The following RANBP2 variants were observed in gnomAD, a reference collection of about 807,000 sequenced individuals.
RANBP2 encodes E3 SUMO-protein ligase RanBP2.
A neutral mutation model predicts 303.6 loss-of-function variants in RANBP2; 57 were observed. That is an observed-to-expected ratio of 0.19 (90% CI 0.15 to 0.23). The LOEUF (loss-of-function observed/expected upper bound fraction) is 0.23, where lower values mean the gene tolerates loss of function less well. Among genes scored for constraint, RANBP2 ranks in the 10% least tolerant of loss-of-function variants. RANBP2 has a pLI of 1.00. For synonymous variants in RANBP2, 1,167 were observed against 1,301.5 expected, an observed-to-expected ratio of 0.90 and a Z score of 2.23; for missense variants, 3,138 against 3,780.8, an observed-to-expected ratio of 0.83 and a Z score of 4.46.
At chr2:108,946,507 T>C in the RANBP2 span, among the ~76,000 whole-genome samples, 1 of 152,194 alleles carries the variant, frequency 6.6e-6, no homozygotes, top group Admixed American at 6.5e-5. Context: ...AAAAGTGGAA[T>C]TATATTAGTC....
At chr2:109,645,935 C>T in the RANBP2 span, among the ~76,000 whole-genome samples, 9 of 152,226 alleles carry the variant, frequency 5.9e-5, no homozygotes, top group South Asian at 1.2e-3. Context: ...AAACTCTCAA[C>T]GCAGCCAAAA....
chr2:109,203,314 G>A, the RANBP2 span, among the ~76,000 whole-genome samples: 1 of 152,254 alleles, frequency 6.6e-6, no homozygotes, highest in East Asian at 1.9e-4. Flanking sequence ...GGTGGACGCA[G>A]CAGACAGTGG....
the RANBP2 span, among the ~76,000 whole-genome samples, chr2:109,160,251 C>A: frequency 6.6e-6 from 1 of 152,142 alleles, no homozygotes; most frequent in Non-Finnish European, 1.5e-5. Context: ...AGCAGGGTGA[C>A]CCATGGAGTG....
chr2:109,415,862 C>T, the RANBP2 span, among the ~76,000 whole-genome samples: 5 of 152,168 alleles, frequency 3.3e-5, no homozygotes, highest in Admixed American at 2.6e-4. Flanking sequence ...ATCCCCCAGG[C>T]GCAGCACTGA....
At chr2:109,171,571 C>A in the RANBP2 span, among the ~76,000 whole-genome samples, 1 of 152,254 alleles carries the variant, frequency 6.6e-6, no homozygotes, top group Non-Finnish European at 1.5e-5. Context: ...GAACACGGAG[C>A]ACAGGGAGCT....
chr2:109,446,164 T>A, the RANBP2 span, among the ~76,000 whole-genome samples: 1 of 152,132 alleles, frequency 6.6e-6, no homozygotes. Context: ...ATGAGCACAC[T>A]CTTCACCAGC....
At chr2:109,616,008 C>A in the RANBP2 span, 1 of 1,534,412 alleles carries the variant, frequency 6.5e-7, no homozygotes, top group Non-Finnish European at 8.7e-7. Flanking sequence ...GGGGGAGGAA[C>A]GACCTGTTAA....
chr2:108,801,976 C>A, the RANBP2 span, among the ~76,000 whole-genome samples: 1 of 94,854 alleles, frequency 1.1e-5, no homozygotes, highest in Non-Finnish European at 2.2e-5. Context: ...CTGTTCTGTT[C>A]CATTGATCTA....
chr2:108,890,157 T>C, the RANBP2 span, among the ~76,000 whole-genome samples: 1 of 151,360 alleles, frequency 6.6e-6, no homozygotes, highest in South Asian at 2.1e-4. Context: ...CTCAGCACTT[T>C]GAGTATATCA....
the RANBP2 span, among the ~76,000 whole-genome samples, chr2:109,709,198 C>T: frequency 6.9e-6 from 1 of 145,870 alleles, no homozygotes; most frequent in Non-Finnish European, 1.5e-5. Context: ...TCCAGCTACT[C>T]GGGAGGCTGA....
chr2:108,834,062 T>C, the RANBP2 span, among the ~76,000 whole-genome samples: 1 of 151,490 alleles, frequency 6.6e-6, no homozygotes, highest in East Asian at 1.9e-4. Context: ...GAGTAAACTT[T>C]TTGCAGTAGA....
At chr2:109,519,549 T>C in the RANBP2 span, among the ~76,000 whole-genome samples, 806 of 152,346 alleles carry the variant, frequency 5.3e-3, 12 homozygotes, top group South Asian at 0.057. Context: ...GGGCACCAAC[T>C]GTGTCCCTAC....
the RANBP2 span, chr2:109,129,736 A>C: frequency 6.5e-7 from 1 of 1,538,954 alleles, no homozygotes; most frequent in Non-Finnish European, 8.7e-7. Context: ...GCGCCTGGAC[A>C]CCACGGCCAA....
chr2:108,771,832 A>G lies in RANBP2; in HGVS notation c.7981A>G (p.Lys2661Glu). ...ACTTCCTCCAACTTTCTTCTGCTAC[A>G]AGAATAGACCAGATTATGTTAGTGA... is the stretch of plus-strand genomic sequence containing the variant. ...LKLPPTFFCYKNRPDYVSEEE... is the reference protein window; with the variant it reads ...LKLPPTFFCYENRPDYVSEEE... Residue 2661 changes from lysine to glutamate, a missense_variant, in exon 21 of 29, where the codon AAG (lysine) becomes GAG (glutamate). Physicochemically the swap from Lys to Glu is moderately conservative, Grantham distance 56 (BLOSUM62 1). Around this residue, in one of 20 missense-constraint regions of RANBP2, gnomAD observed 497 missense variants for 465.8 expected, o/e 1.07. Coordinates refer to ENST00000283195, the MANE Select transcript of RANBP2 (RefSeq NM_006267.5). 1 of 1,614,082 alleles carries G rather than the reference A, an allele frequency of 6.2e-7. No individual in the cohort carries two copies. The highest frequency in any genetic ancestry group is 1.1e-5 in the South Asian group (1 of 91,084).
At chr2:109,155,503 G>C in the RANBP2 span, among the ~76,000 whole-genome samples, 3 of 152,082 alleles carry the variant, frequency 2.0e-5, no homozygotes, top group Non-Finnish European at 4.4e-5. Context: ...GGGTTTCACG[G>C]TGTTAGCCAG....
At chr2:109,613,317 A>C in the RANBP2 span, 5 of 477,146 alleles carry the variant, frequency 1.0e-5, no homozygotes, top group Non-Finnish European at 1.7e-5. Flanking sequence ...ATCCCAATGG[A>C]GGAAAACTTG....
chr2:109,055,276 C>T, the RANBP2 span, among the ~76,000 whole-genome samples: 1 of 151,924 alleles, frequency 6.6e-6, no homozygotes, highest in Non-Finnish European at 1.5e-5. Context: ...AATGAAGACA[C>T]TTCTTGGTCA....
At chr2:109,558,681 T>C in the RANBP2 span, among the ~76,000 whole-genome samples, 1 of 152,040 alleles carries the variant, frequency 6.6e-6, no homozygotes, top group African/African-American at 2.4e-5. Flanking sequence ...GCATACCCAT[T>C]CAATAAAGTG....
the RANBP2 span, among the ~76,000 whole-genome samples, chr2:109,564,935 A>G: frequency 6.6e-6 from 1 of 152,252 alleles, no homozygotes; most frequent in Non-Finnish European, 1.5e-5. Flanking sequence ...ACTTCAAAGT[A>G]GTAAATTCTG....
Sources: allele counts gnomAD v4.1 joint callset (sites outside exome capture counted in the v4.1 genomes callset), GRCh38; gene constraint gnomAD v4.1.1; regional missense constraint gnomAD v4.1.1; transcripts MANE v1.5; gene names NCBI Gene and HGNC (gene_info 2026-07-23, HGNC 2026-07-21).